CACNB2: variants seen among roughly 807,000 people sequenced by gnomAD.
CACNB2 encodes the protein voltage-dependent L-type calcium channel subunit beta-2.
CACNB2 carries 42 observed loss-of-function variants against 73.3 expected under a neutral mutation model. That is an observed-to-expected ratio of 0.57 (90% CI 0.45 to 0.74). CACNB2 has a LOEUF of 0.74. Ranked by LOEUF, CACNB2 falls within the 30% of genes least tolerant of loss-of-function variation. The pLI is 0.00. For synonymous variants in CACNB2, 348 were observed against 310.3 expected (o/e 1.12, Z -1.28); for missense variants, 940 against 853.0 (o/e 1.10, Z -1.27).
At chr10:18,354,700 A>G (rs1022839611) in intron 2 of CACNB2, among the ~76,000 whole-genome samples, 4 of 152,212 alleles carry the variant, frequency 2.6e-5, no homozygotes, top group African/African-American at 9.6e-5. Flanking sequence ...GCCCAACAAC[A>G]GAGGAGTGGG....
intron 2 of CACNB2, among the ~76,000 whole-genome samples, chr10:18,193,762 T>C (rs1277729): frequency 0.67 from 101,449 of 152,026 alleles, 36,180 homozygotes; most frequent in Non-Finnish European, 0.8. Context: ...ACTCCTAGAT[T>C]CATTCATTTA....
At chr10:18,511,217 C>A (rs918065922) in intron 6 of CACNB2, among the ~76,000 whole-genome samples, 1 of 152,094 alleles carries the variant, frequency 6.6e-6, no homozygotes, top group South Asian at 2.1e-4. Context: ...TGAATTAATT[C>A]CATTATTACC....
chr10:18,483,709 A>G (rs952866687), intron 3 of CACNB2, among the ~76,000 whole-genome samples: 3 of 152,154 alleles, frequency 2.0e-5, no homozygotes, highest in Non-Finnish European at 4.4e-5. Context: ...ATAAAATATA[A>G]TGTGTCTCCC....
intron 2 of CACNB2, among the ~76,000 whole-genome samples, chr10:18,361,337 A>ATG (rs2042128937): frequency 4.3e-5 from 5 of 115,980 alleles, no homozygotes; most frequent in African/African-American, 1.6e-4. Context: ...AAAAAATTAA[A>ATG]AAAAAAAAAA....
At chr10:18,472,329 T>A (rs908349971) in intron 3 of CACNB2, among the ~76,000 whole-genome samples, 1 of 150,552 alleles carries the variant, frequency 6.6e-6, no homozygotes, top group Non-Finnish European at 1.5e-5. Flanking sequence ...CTCTACCTCC[T>A]GGGTTCAAGT....
chr10:18,356,713 C>T (rs1308013778), intron 2 of CACNB2, among the ~76,000 whole-genome samples: 2 of 152,010 alleles, frequency 1.3e-5, no homozygotes, highest in African/African-American at 4.8e-5. Flanking sequence ...TCACTGCAGC[C>T]TTGACCTCGA....
At chr10:18,395,739 C>G (rs1365696388) in intron 2 of CACNB2, among the ~76,000 whole-genome samples, 1 of 152,126 alleles carries the variant, frequency 6.6e-6, no homozygotes, top group African/African-American at 2.4e-5. Flanking sequence ...GACCCTGCAG[C>G]GATGTATTGC....
At chr10:18,228,221 C>T (rs987623127) in intron 2 of CACNB2, among the ~76,000 whole-genome samples, 17 of 151,830 alleles carry the variant, frequency 1.1e-4, no homozygotes, top group Admixed American at 1.0e-3. Flanking sequence ...GCCAGGAGTT[C>T]GAGACCAGCG....
chr10:18,239,071 G>A (rs1445166702), intron 2 of CACNB2, among the ~76,000 whole-genome samples: 4 of 152,112 alleles, frequency 2.6e-5, no homozygotes, highest in African/African-American at 9.7e-5. Context: ...GTATTCTTTA[G>A]CAAAGTTTGC....
chr10:18,186,394 G>A (rs1043479963), intron 2 of CACNB2, among the ~76,000 whole-genome samples: 3 of 151,716 alleles, frequency 2.0e-5, no homozygotes, highest in African/African-American at 7.3e-5. Context: ...ACTCCAGCCT[G>A]GGCAACAAGA....
intron 2 of CACNB2, among the ~76,000 whole-genome samples, chr10:18,260,095 C>T (rs776516358): frequency 1.1e-4 from 16 of 152,132 alleles, no homozygotes; most frequent in Non-Finnish European, 1.8e-4. Flanking sequence ...CTGTGACACA[C>T]TAAAGATATT....
intron 2 of CACNB2, among the ~76,000 whole-genome samples, chr10:18,336,294 A>C (rs926937307): frequency 6.6e-6 from 1 of 152,236 alleles, no homozygotes; most frequent in Non-Finnish European, 1.5e-5. Context: ...TAGATACAAG[A>C]ACTGGTTAAT....
intron 3 of CACNB2, among the ~76,000 whole-genome samples, chr10:18,446,712 A>C (rs1352348179): frequency 6.6e-6 from 1 of 152,052 alleles, no homozygotes; most frequent in Non-Finnish European, 1.5e-5. Flanking sequence ...GCGCTGTGAC[A>C]CTCCAAGAAG....
chr10:18,387,159 G>A (rs1293462741), intron 2 of CACNB2, among the ~76,000 whole-genome samples: 2 of 152,198 alleles, frequency 1.3e-5, no homozygotes, highest in Admixed American at 6.5e-5. Flanking sequence ...CTTCCCATTG[G>A]TCTTTCTGCC....
intron 2 of CACNB2, among the ~76,000 whole-genome samples, chr10:18,160,359 G>C (rs926488343): frequency 6.6e-6 from 1 of 152,006 alleles, no homozygotes; most frequent in Non-Finnish European, 1.5e-5. Flanking sequence ...TTAAAACCAA[G>C]AATTCTTTCT....
intron 2 of CACNB2, among the ~76,000 whole-genome samples, chr10:18,379,105 A>C (rs1023479881): frequency 2.6e-5 from 4 of 152,216 alleles, no homozygotes; most frequent in Non-Finnish European, 5.9e-5. Flanking sequence ...TGAGTTCTCC[A>C]CCTGAAATCA....
chr10:18,143,430 A>T (rs551696688), intron 1 of CACNB2, among the ~76,000 whole-genome samples: 28 of 152,358 alleles, frequency 1.8e-4, no homozygotes, highest in Admixed American at 5.2e-4. Context: ...AAGTGATTGC[A>T]TAGATAAAGG....
chr10:18,478,224 G>A (rs932522769), intron 3 of CACNB2, among the ~76,000 whole-genome samples: 1 of 152,212 alleles, frequency 6.6e-6, no homozygotes, highest in African/African-American at 2.4e-5. Context: ...GAGCCACCAT[G>A]CCTGGCCGGA....
At chr10:18,227,246 C>T (rs1266852428) in intron 2 of CACNB2, among the ~76,000 whole-genome samples, 1 of 151,792 alleles carries the variant, frequency 6.6e-6, no homozygotes, top group African/African-American at 2.4e-5. Flanking sequence ...CCTTCTGTAC[C>T]GAGAGGAGGA....
Sources: gnomAD v4.1 joint callset for allele counts (sites outside exome capture counted in the v4.1 genomes callset) on GRCh38, gnomAD v4.1.1 for gene constraint, MANE v1.5 for transcripts, NCBI Gene and HGNC (gene_info 2026-07-23, HGNC 2026-07-21) for gene names.